Variants in MYO16 observed in about 807,000 individuals in gnomAD.
MYO16 encodes unconventional myosin-XVI.
MYO16 carries 94 observed loss-of-function variants against 205.3 expected under a neutral mutation model. That is an observed-to-expected ratio of 0.46 (90% CI 0.39 to 0.54). The LOEUF (loss-of-function observed/expected upper bound fraction) is 0.54, where lower values mean the gene tolerates loss of function less well. Among genes scored for constraint, MYO16 ranks in the 20% least tolerant of loss-of-function variants. The pLI, the probability that MYO16 is intolerant of heterozygous loss-of-function variation, is 0.00. For missense variants in MYO16, 2,315 were observed against 2,387.5 expected (o/e 0.97, Z 0.63); for synonymous variants, 988 against 954.0 (o/e 1.04, Z -0.66).
At chr13:108,777,894 G>T (rs913860394) in intron 4 of MYO16, among the ~76,000 whole-genome samples, 1 of 152,150 alleles carries the variant, frequency 6.6e-6, no homozygotes, top group Non-Finnish European at 1.5e-5. Context: ...TCTGCACCCT[G>T]CATCTGCTAT....
intron 28 of MYO16, among the ~76,000 whole-genome samples, chr13:109,104,997 G>C (rs547382295): frequency 6.6e-6 from 1 of 152,112 alleles, no homozygotes; most frequent in Non-Finnish European, 1.5e-5. Flanking sequence ...CCTCCATAGC[G>C]TGGGAACTCC....
chr13:109,143,364 A>G (rs1317558768), intron 32 of MYO16, among the ~76,000 whole-genome samples: 2 of 152,168 alleles, frequency 1.3e-5, no homozygotes, highest in Non-Finnish European at 2.9e-5. Flanking sequence ...TAGCTAACAG[A>G]TTCTTCTTAA....
chr13:108,794,684 G>A (rs1199648875), intron 6 of MYO16, among the ~76,000 whole-genome samples: 1 of 152,110 alleles, frequency 6.6e-6, no homozygotes, highest in African/African-American at 2.4e-5. Flanking sequence ...AGAACATTTT[G>A]CCCTACTGAC....
chr13:109,126,146 T>G (rs1200403226), intron 30 of MYO16, among the ~76,000 whole-genome samples: 2 of 152,224 alleles, frequency 1.3e-5, no homozygotes, highest in African/African-American at 4.8e-5. Flanking sequence ...TCTGCCGATG[T>G]CAATTTTTTT....
At chr13:108,573,594 A>T in the MYO16 span, among the ~76,000 whole-genome samples, 3 of 152,180 alleles carry the variant, frequency 2.0e-5, no homozygotes, top group Non-Finnish European at 4.4e-5. Context: ...CAAGAAAGAA[A>T]GTAGGATAAG....
At chr13:108,779,634 A>G (rs575296822) in intron 4 of MYO16, 1 of 152,216 alleles carries the variant, frequency 6.6e-6, no homozygotes. Context: ...GGAGGCTAAT[A>G]TAAATGGGTG....
At chr13:108,516,149 C>T in the MYO16 span, among the ~76,000 whole-genome samples, 2 of 151,998 alleles carry the variant, frequency 1.3e-5, no homozygotes, top group Admixed American at 1.3e-4. Flanking sequence ...GTAGGACCCT[C>T]TGAGCCAGGT....
Position 109,178,769 on chromosome 13 carries a change from C to T in MYO16, c.5324-773C>T, listed in dbSNP as rs183098431. On this transcript the variant is annotated intron_variant, in intron 33 of 34. Transcript: ENST00000457511. ...GTGCCACAAATGGGGGTGCTGCTGGCATCTAGTGGGTGGAGGTCAGGGATG... is the reference window on the plus strand; with the variant it reads ...GTGCCACAAATGGGGGTGCTGCTGGTATCTAGTGGGTGGAGGTCAGGGATG... 2.0e-5 allele frequency among the ~76,000 whole-genome samples: 3 copies of T among 152,238 alleles called. No individual in the cohort carries two copies. The East Asian group carries it at 5.8e-4, about 29-fold the overall frequency.
intron 9 of MYO16, among the ~76,000 whole-genome samples, chr13:108,837,060 ACAT>A (rs1876963826): frequency 1.3e-5 from 2 of 152,202 alleles, no homozygotes. Context: ...CACCACCCAA[ACAT>A]CATCTTGAAT....
At chr13:108,736,641 C>T (rs1442779074) in intron 4 of MYO16, among the ~76,000 whole-genome samples, 1 of 152,120 alleles carries the variant, frequency 6.6e-6, no homozygotes, top group Non-Finnish European at 1.5e-5. Flanking sequence ...TTTTTGGTTC[C>T]ATATGAACTT....
chr13:108,685,073 A>G (rs1211963431), intron 2 of MYO16, among the ~76,000 whole-genome samples: 1 of 144,736 alleles, frequency 6.9e-6, no homozygotes, highest in East Asian at 2.0e-4. Flanking sequence ...GCCAGGCTGG[A>G]GTGCAGTGAC....
chr13:108,924,856 C>T (rs1881918262), intron 16 of MYO16, among the ~76,000 whole-genome samples: 1 of 152,180 alleles, frequency 6.6e-6, no homozygotes, highest in Non-Finnish European at 1.5e-5. Flanking sequence ...TCAGTTTAAC[C>T]TTTTCACGTT....
intron 1 of MYO16, among the ~76,000 whole-genome samples, chr13:108,643,098 A>G (rs908556692): frequency 1.3e-5 from 2 of 152,222 alleles, no homozygotes; most frequent in African/African-American, 4.8e-5. Flanking sequence ...GGGACCCACA[A>G]TGAACATATA....
intron 1 of MYO16, among the ~76,000 whole-genome samples, chr13:108,633,020 C>G (rs746988065): frequency 2.0e-5 from 3 of 152,170 alleles, no homozygotes; most frequent in Non-Finnish European, 4.4e-5. Flanking sequence ...ACCTATTTCT[C>G]TCCTGGTTCA....
chr13:108,633,653 A>G (rs1278904593), intron 1 of MYO16, among the ~76,000 whole-genome samples: 3 of 152,182 alleles, frequency 2.0e-5, no homozygotes, highest in African/African-American at 7.2e-5. Context: ...AATACTTTGC[A>G]TCCTTCAATC....
intron 1 of MYO16, among the ~76,000 whole-genome samples, chr13:108,606,412 A>G (rs537173835): frequency 3.9e-5 from 6 of 152,296 alleles, no homozygotes; most frequent in South Asian, 2.1e-4. Context: ...ACATGGCACT[A>G]GGTGTCCCAG....
intron 1 of MYO16, among the ~76,000 whole-genome samples, chr13:108,664,811 A>G (rs1881653189): frequency 6.6e-6 from 1 of 152,190 alleles, no homozygotes; most frequent in Non-Finnish European, 1.5e-5. Context: ...CAATTCCATT[A>G]CAGGTGCTTT....
At chr13:109,076,415 G>A (rs562316764) in intron 27 of MYO16, among the ~76,000 whole-genome samples, 2 of 152,108 alleles carry the variant, frequency 1.3e-5, no homozygotes, top group Non-Finnish European at 2.9e-5. Context: ...AAACAACACA[G>A]AGTTGATGGT....
intron 2 of MYO16, among the ~76,000 whole-genome samples, chr13:108,697,934 G>T (rs1445351340): frequency 6.6e-6 from 1 of 152,062 alleles, no homozygotes; most frequent in Admixed American, 6.6e-5. Context: ...TGTTGCCAAG[G>T]CTGGTCTTGA....
Sources: gnomAD v4.1 joint callset for allele counts (sites outside exome capture counted in the v4.1 genomes callset) on GRCh38, gnomAD v4.1.1 for gene constraint, MANE v1.5 for transcripts, NCBI Gene and HGNC (gene_info 2026-07-23, HGNC 2026-07-21) for gene names.